LRCH2: variants seen among roughly 807,000 people sequenced by gnomAD.
The protein encoded by LRCH2 is leucine-rich repeat and calponin homology domain-containing protein 2.
LRCH2 carries 38 observed loss-of-function variants against 68.9 expected under a neutral mutation model. That is an observed-to-expected ratio of 0.55 (90% CI 0.43 to 0.72). LRCH2 has a LOEUF of 0.72. LRCH2 is among the 30% of genes least tolerant of loss of function. LRCH2 has a pLI of 0.00. For missense variants in LRCH2, 528 were observed against 572.9 expected (o/e 0.92, Z 0.80); for synonymous variants, 191 against 208.1 (o/e 0.92, Z 0.71).
intron 10 of LRCH2, 127 bp downstream of exon 10, chrX:115,165,278 T>C (rs1480250021): frequency 3.1e-5 from 14 of 450,804 alleles, no homozygotes; most frequent in Non-Finnish European, 5.3e-5. Context: ...ATTTATAAAT[T>C]AACTATCTAA....
intron 3 of LRCH2, among the ~76,000 whole-genome samples, chrX:115,182,811 C>T (rs1187520145): frequency 1.2e-5 from 1 of 84,397 alleles, no homozygotes; most frequent in African/African-American, 4.9e-5. Context: ...CCACCCTGGG[C>T]GACAGAGTGA....
rs1556523243 is a variant in LRCH2 at position 115,113,306 on chromosome X, C to G, written c.2208G>C (p.Leu736Phe). 1 of 1,190,683 alleles carries G rather than the reference C, an allele frequency of 8.4e-7. No homozygotes were observed. The highest frequency in any genetic ancestry group is 2.2e-5 in the Admixed American group (1 of 45,097). The change falls in exon 21 of 21, where the codon TTG becomes TTC. Residue 736 changes from leucine (L) to phenylalanine (F), a missense_variant. Coordinates refer to ENST00000317135, the MANE Select transcript of LRCH2 (RefSeq NM_020871.4). Reference sequence around the variant, plus strand: ...CAACTTTCACAAGTCCTCGTTCTTCCAAAATATGATGAGGCAAACAAAGTC... The same window carrying G: ...CAACTTTCACAAGTCCTCGTTCTTCGAAAATATGATGAGGCAAACAAAGTC... ...QERLCLPHHI[L>F]EERGLVKVGV... is the part of the protein sequence containing the mutation.
intron 14 of LRCH2, among the ~76,000 whole-genome samples, chrX:115,148,871 TTTTG>T (rs1438889703): frequency 4.5e-5 from 5 of 111,695 alleles, no homozygotes; most frequent in African/African-American, 1.6e-4. Flanking sequence ...CATATAACAG[TTTTG>T]TTTTAGTCAT....
chrX:115,142,583 CA>C (rs1556534686), intron 14 of LRCH2, among the ~76,000 whole-genome samples: 5 of 111,481 alleles, frequency 4.5e-5, no homozygotes, highest in Non-Finnish European at 9.4e-5. Flanking sequence ...ACCAGTGGGT[CA>C]ATGAAGAAAT....
intron 20 of LRCH2, among the ~76,000 whole-genome samples, chrX:115,113,642 C>T (rs1334836560): frequency 9.0e-6 from 1 of 111,498 alleles, no homozygotes; most frequent in East Asian, 2.8e-4. Context: ...TACTCAACCA[C>T]TGCTATCTTA....
Position 115,122,591 on chromosome X carries a change from A to G in LRCH2, c.2114T>C (p.Met705Thr). 3 of 1,210,429 alleles carry G rather than the reference A, an allele frequency of 2.5e-6. No individual in the cohort carries two copies. Among genetic ancestry groups the G allele is most frequent in the Non-Finnish European group, 2.2e-6 (2 of 894,869 alleles). Residue 705 changes from methionine to threonine, a missense_variant, in exon 20 of 21, where the codon ATG becomes ACG. Met to Thr is a moderately conservative substitution (Grantham distance 81). Coordinates refer to ENST00000317135, the MANE Select transcript of LRCH2 (RefSeq NM_020871.4). ...TTCTACATTTCTTCGACATTTTGCC[A>G]TGCTCAGTTTGGGCTGTAAAGTAAG... ...VPSPAVPKLSMAKCRRNVENF... is the reference protein window; with the variant it reads ...VPSPAVPKLSTAKCRRNVENF...
chrX:115,190,318 G>C (rs1311671483), intron 1 of LRCH2: 2 of 1,157,240 alleles, frequency 1.7e-6, no homozygotes, highest in Non-Finnish European at 2.3e-6. Flanking sequence ...TGAGTACACA[G>C]ATCATCCCAG....
intron 1 of LRCH2, among the ~76,000 whole-genome samples, chrX:115,218,246 A>T (rs2147359987): frequency 8.9e-6 from 1 of 112,602 alleles, no homozygotes; most frequent in East Asian, 2.8e-4. Flanking sequence ...GATTATTCTG[A>T]TTAATGAAGT....
chrX:115,196,306 C>T (rs184480115), intron 1 of LRCH2, among the ~76,000 whole-genome samples: 1 of 111,143 alleles, frequency 9.0e-6, no homozygotes. Flanking sequence ...CAGCAGTGGT[C>T]TCATCCTCCC....
intron 16 of LRCH2, among the ~76,000 whole-genome samples, chrX:115,125,521 A>G (rs1373851121): frequency 3.0e-3 from 1 of 338 alleles, no homozygotes; most frequent in Non-Finnish European, 6.5e-3. Flanking sequence ...ATATATATAT[A>G]TATATATATA....
At chrX:115,200,377 A>T (rs962232405) in intron 1 of LRCH2, among the ~76,000 whole-genome samples, 1 of 111,509 alleles carries the variant, frequency 9.0e-6, no homozygotes, top group Non-Finnish European at 1.9e-5. Context: ...TAAATCTGAT[A>T]AACCAGTAGC....
intron 1 of LRCH2, among the ~76,000 whole-genome samples, chrX:115,209,760 G>A: frequency 8.9e-6 from 1 of 112,107 alleles, no homozygotes; most frequent in Middle Eastern, 4.6e-3. Flanking sequence ...CTGTTGAATG[G>A]TTTTGACCAA....
At chrX:115,190,001 G>A (rs1451442586) in intron 1 of LRCH2, 17 of 1,160,587 alleles carry the variant, frequency 1.5e-5, no homozygotes, top group South Asian at 5.7e-5. Context: ...ACTGTGTCGG[G>A]GCAAGATGGC....
At chrX:115,219,956 G>A (rs1043122328) in intron 1 of LRCH2, among the ~76,000 whole-genome samples, 3 of 111,695 alleles carry the variant, frequency 2.7e-5, no homozygotes, top group Non-Finnish European at 5.6e-5. Context: ...CAGAGGCATT[G>A]TCCTACACAC....
chrX:115,113,599 G>A (rs1252391445), intron 20 of LRCH2, among the ~76,000 whole-genome samples: 2 of 111,046 alleles, frequency 1.8e-5, no homozygotes, highest in African/African-American at 3.3e-5. Context: ...GTTTATAAAA[G>A]AGTTGGTCAC....
At chrX:115,174,356 TC>T (rs1328358207) in intron 5 of LRCH2, among the ~76,000 whole-genome samples, 2 of 110,124 alleles carry the variant, frequency 1.8e-5, no homozygotes, top group African/African-American at 3.3e-5. Flanking sequence ...GTTTAAAATC[TC>T]CCCTTTATCC....
rs372451559 is a variant in LRCH2, at chrX:115,192,466, G to A, written c.350-4096C>T. On this transcript the variant is annotated intron_variant, in intron 1 of 20. Coordinates refer to ENST00000317135, the MANE Select transcript of LRCH2 (RefSeq NM_020871.4). ...ATCCAGCAACAGTTACGGCCGGAGC[G>A]ACCGCTACTCGAGGGGTCGAGACCG... 575 of 1,169,052 alleles carry A rather than the reference G, an allele frequency of 4.9e-4. 5 individuals are homozygous for A. In the African/African-American group the frequency reaches 9.0e-3, roughly 18 times the overall value.
chrX:115,189,011 C>T (rs1468387407), intron 1 of LRCH2, among the ~76,000 whole-genome samples: 1 of 111,479 alleles, frequency 9.0e-6, no homozygotes, highest in Non-Finnish European at 1.9e-5. Context: ...CTCCATCTGC[C>T]TCTTCTTTTA....
chrX:115,200,253 A>G (rs2072920735), intron 1 of LRCH2, among the ~76,000 whole-genome samples: 1 of 111,554 alleles, frequency 9.0e-6, no homozygotes, highest in Non-Finnish European at 1.9e-5. Context: ...AGAACAAACC[A>G]CACTCAAAAC....
Sources: gnomAD v4.1 joint callset for allele counts (sites outside exome capture counted in the v4.1 genomes callset) on GRCh38, gnomAD v4.1.1 for gene constraint, MANE v1.5 for transcripts, NCBI Gene and HGNC (gene_info 2026-07-23, HGNC 2026-07-21) for gene names.